Variants in FBRSL1 observed in about 807,000 individuals in gnomAD.
The protein encoded by FBRSL1 is fibrosin like 1.
In FBRSL1, 51 loss-of-function variants were observed where a neutral mutation model predicts 89.6. The ratio of observed to expected loss-of-function variants is 0.57; its 90% CI spans 0.45 to 0.72. The LOEUF is 0.72. Among genes scored for constraint, FBRSL1 ranks in the 30% least tolerant of loss-of-function variants. The pLI is 0.00. For synonymous variants in FBRSL1, 779 were observed against 681.1 expected, an observed-to-expected ratio of 1.14 and a Z score of -2.24; for missense variants, 1,618 against 1,451.8, an observed-to-expected ratio of 1.11 and a Z score of -1.86.
At chr12:132,503,560 T>C (rs560267792) in intron 1 of FBRSL1, among the ~76,000 whole-genome samples, 1 of 152,152 alleles carries the variant, frequency 6.6e-6, no homozygotes, top group African/African-American at 2.4e-5. Context: ...CCTTCGCAGC[T>C]GGAGGGGTAA....
At chr12:132,581,561 A>G (rs1055480106) in intron 16 of FBRSL1, 45 bp downstream of exon 16, 4 of 1,545,022 alleles carry the variant, frequency 2.6e-6, no homozygotes. Flanking sequence ...CTGGTTCCTC[A>G]GCAGCCTTGT....
intron 1 of FBRSL1, among the ~76,000 whole-genome samples, chr12:132,493,532 C>A (rs1035299027): frequency 6.6e-6 from 1 of 152,204 alleles, no homozygotes; most frequent in Non-Finnish European, 1.5e-5. Flanking sequence ...GACCCCCACT[C>A]GCAGCCCCTT....
intron 15 of FBRSL1, among the ~76,000 whole-genome samples, chr12:132,578,659 C>G (rs1328988286): frequency 2.6e-5 from 4 of 152,204 alleles, no homozygotes; most frequent in Admixed American, 2.6e-4. Flanking sequence ...GCTGATGGAA[C>G]CTTTCCCAGC....
chr12:132,516,192 C>CTTT (rs1253503503), intron 2 of FBRSL1, among the ~76,000 whole-genome samples: 1 of 140,330 alleles, frequency 7.1e-6, no homozygotes, highest in Non-Finnish European at 1.6e-5. Context: ...TCCGAATAGT[C>CTTT]TTTTTTTTTT....
intron 5 of FBRSL1, among the ~76,000 whole-genome samples, chr12:132,548,471 C>T (rs117671818): frequency 0.021 from 3,152 of 152,294 alleles, 112 homozygotes; most frequent in East Asian, 0.13. Context: ...GAGGTAGATG[C>T]GCAGCCTATG....
intron 3 of FBRSL1, among the ~76,000 whole-genome samples, chr12:132,526,109 A>C (rs1221189953): frequency 6.6e-6 from 1 of 152,246 alleles, no homozygotes; most frequent in Non-Finnish European, 1.5e-5. Context: ...ATTAGGAGAG[A>C]TTTAAATGAA....
intron 4 of FBRSL1, among the ~76,000 whole-genome samples, chr12:132,530,789 C>T (rs1195321426): frequency 6.6e-6 from 1 of 151,490 alleles, no homozygotes; most frequent in African/African-American, 2.4e-5. Flanking sequence ...TGGGGTTCCC[C>T]TCCAAGCCGC....
rs74976291 is a variant in FBRSL1 at position 132,506,535 on chromosome 12, A to G, written c.292-1618A>G. On this transcript the variant is annotated intron_variant, in intron 1 of 18. Transcript: ENST00000680143. ...GCCCTGCGTGGCAGGCTGCCCTTGC[A>G]GGTTTCCTAGTTACTGTGAAAGGTA... Among the ~76,000 whole-genome samples the G allele has an allele frequency of 9.5e-3, 1,454 of 152,356 alleles. 25 individuals carry two copies. The highest frequency in any genetic ancestry group is 0.034 in the African/African-American group (1,396 of 41,580).
At chr12:132,557,292 G>T (rs1427188430) in intron 5 of FBRSL1, among the ~76,000 whole-genome samples, 1 of 152,246 alleles carries the variant, frequency 6.6e-6, no homozygotes, top group Non-Finnish European at 1.5e-5. Context: ...CTGGAAGCCT[G>T]ATACTTAATA....
intron 4 of FBRSL1, among the ~76,000 whole-genome samples, chr12:132,544,997 C>G (rs1438736417): frequency 6.6e-6 from 1 of 152,210 alleles, no homozygotes; most frequent in Non-Finnish European, 1.5e-5. Flanking sequence ...CTGTAAGGGA[C>G]AACCCTGTAA....
chr12:132,559,090 G>C (rs1408955491), intron 5 of FBRSL1, among the ~76,000 whole-genome samples: 1 of 152,258 alleles, frequency 6.6e-6, no homozygotes, highest in Non-Finnish European at 1.5e-5. Flanking sequence ...AGCAGCCTTT[G>C]CAGGAAGCCG....
Position 132,492,317 on chromosome 12 carries a change from C to T in FBRSL1, c.291+1456C>T, listed in dbSNP as rs140282854. Among the ~76,000 whole-genome samples the T allele has an allele frequency of 2.9e-3, 440 of 152,340 alleles. 2 individuals are homozygous for T. The highest frequency in any genetic ancestry group is 4.7e-3 in the African/African-American group (195 of 41,586). On this transcript the variant is annotated intron_variant, in intron 1 of 18. Transcript: ENST00000680143. ...CTTTGCAAAAACGTCACCTCAGACT[C>T]CTCTGAAGTGGTGCCCCCCACCCCC...
At chr12:132,509,591 G>A in intron 2 of FBRSL1, 4 of 1,232,218 alleles carry the variant, frequency 3.2e-6, no homozygotes, top group Non-Finnish European at 4.0e-6. Flanking sequence ...GCCGGCGCCT[G>A]CGGTCCCTCC....
At chr12:132,568,291 C>T (rs377202300) in intron 6 of FBRSL1, among the ~76,000 whole-genome samples, 9 of 152,366 alleles carry the variant, frequency 5.9e-5, no homozygotes, top group Middle Eastern at 3.4e-3. Context: ...CGGCTTCATC[C>T]GGATGTGATT....
At chr12:132,496,858 G>A (rs528095971) in intron 1 of FBRSL1, among the ~76,000 whole-genome samples, 290 of 69,110 alleles carry the variant, frequency 4.2e-3, no homozygotes, top group Non-Finnish European at 6.9e-3. Context: ...CCTGTGTTGC[G>A]CGGGGCGCGT....
intron 5 of FBRSL1, chr12:132,551,127 T>C: frequency 2.9e-6 from 1 of 342,464 alleles, no homozygotes; most frequent in Non-Finnish European, 5.8e-6. Context: ...CCCTGCAGGC[T>C]CCAGATGGCA....
chr12:132,520,752 T>C (rs1407413810), intron 2 of FBRSL1, among the ~76,000 whole-genome samples: 1 of 152,180 alleles, frequency 6.6e-6, no homozygotes, highest in Admixed American at 6.5e-5. Flanking sequence ...GAGGGGCCCA[T>C]AGTCATCATC....
rs2039978141 is a variant in FBRSL1, at chr12:132,571,073, A to G, written c.1219A>G (p.Ser407Gly). 1 of 1,343,712 alleles carries G rather than the reference A, an allele frequency of 7.4e-7. No individual in the cohort carries two copies. The highest frequency in any genetic ancestry group is 9.5e-7 in the Non-Finnish European group (1 of 1,050,376). 83.2% of individuals were successfully genotyped at this position (1,343,712 alleles called of 1,614,324 possible). ...GTGTTCTCTCTTGCCTCTAGATGCC[A>G]GCCTGGCGGTCTCATTCAGCCAGCC... The part of the protein sequence containing the change: ...LVLPGHPADA[S>G]LAVSFSQPIM... The change falls in exon 9 of 19, where the codon AGC (serine) becomes GGC (glycine). Residue 407 changes from serine to glycine, a missense_variant. Physicochemically the swap from Ser to Gly is moderately conservative, Grantham distance 56 (BLOSUM62 0). Transcript: ENST00000680143.
At chr12:132,509,737 C>T in intron 2 of FBRSL1, 1 of 1,231,014 alleles carries the variant, frequency 8.1e-7, no homozygotes, top group Non-Finnish European at 1.0e-6. Flanking sequence ...CGGCCGTGGG[C>T]CAGCCCGTGT....
Sources: allele counts gnomAD v4.1 joint callset (sites outside exome capture counted in the v4.1 genomes callset), GRCh38; gene constraint gnomAD v4.1.1; transcripts MANE v1.5; gene names NCBI Gene and HGNC (gene_info 2026-07-23, HGNC 2026-07-21).